OSBPL5: variants seen among roughly 807,000 people sequenced by gnomAD.
OSBPL5 encodes oxysterol binding protein like 5, also known as oxysterol-binding protein-related protein 5.
Under a neutral mutation model 111.2 loss-of-function variants are expected in OSBPL5, and 71 were observed. That is an observed-to-expected ratio of 0.64 (90% confidence interval 0.53 to 0.78). The LOEUF is 0.78. OSBPL5 is among the 30% of genes least tolerant of loss of function. OSBPL5 has a pLI of 0.00. For synonymous variants in OSBPL5, 549 were observed against 513.9 expected (o/e 1.07, Z -0.93); for missense variants, 1,210 against 1,189.3 (o/e 1.02, Z -0.26).
Position 3,093,639 on chromosome 11 carries a change from C to A in OSBPL5, c.1834G>T (p.Glu612Ter), listed in dbSNP as rs756375919. The A allele has an allele frequency of 6.2e-7, 1 of 1,613,098 alleles. No homozygotes were observed. The highest frequency in any genetic ancestry group is 2.2e-5 in the East Asian group (1 of 44,884). Residue 612 changes from glutamate (E) to a stop codon, truncating the protein, a stop_gained, in exon 17 of 22, where the codon GAA (glutamate) becomes TAA (stop). Coordinates refer to ENST00000263650, the MANE Select transcript of OSBPL5 (RefSeq NM_020896.4). LOFTEE classifies it high-confidence loss of function. Reference sequence around the variant, plus strand: ...AAAAGCGCACTGCTTCCGCTCCCTTCCTCCTTGATAAACACGTCCCTGTCC... The same window carrying A: ...AAAAGCGCACTGCTTCCGCTCCCTTACTCCTTGATAAACACGTCCCTGTCC... ...HWDRDVFIKE[E>*]GSGSSALFWT...
intron 3 of OSBPL5, among the ~76,000 whole-genome samples, chr11:3,123,870 G>T (rs1252295087): frequency 1.3e-5 from 2 of 152,236 alleles, no homozygotes; most frequent in Non-Finnish European, 2.9e-5. Context: ...GCACAGAGAG[G>T]TGGAGAGCTA....
At position 3,162,298 on chromosome 11, in the gene OSBPL5, G is replaced by A. The variant is rs968444866; in HGVS notation, c.-22+2918C>T. Among the ~76,000 whole-genome samples the A allele has an allele frequency of 1.2e-4, 19 of 152,026 alleles. No individual in the cohort carries two copies. Among genetic ancestry groups the A allele is most frequent in the Admixed American group, 4.6e-4 (7 of 15,256 alleles). On this transcript the variant is annotated intron_variant, in intron 1 of 21. Coordinates refer to ENST00000263650, the MANE Select transcript of OSBPL5 (RefSeq NM_020896.4). This position sits in a 1 kb window ranked among gnomAD's most constrained non-coding sequence, Gnocchi z 8.1. ...CGGATGTGAGGTGGGCTGGGAGGCC[G>A]AGCAAAGCATTTGCTCTCAGCCTGG...
rs374435732 is a variant in OSBPL5, at chr11:3,131,805, TCATC to T, written c.-21-2640_-21-2637del. 7.6e-5 allele frequency among the ~76,000 whole-genome samples: 7 copies of T among 91,712 alleles called. No homozygotes were observed. The East Asian group carries it at 1.0e-3, about 13-fold the overall frequency. The allele number at this position is 91,712 out of a possible 152,430, so 60.2% of individuals were successfully genotyped here. On this transcript the variant is annotated intron_variant, in intron 1 of 21. Transcript: ENST00000263650. ...TCCATCCATCCACCTACCCATTCAT[TCATC>T]CATCCATCCATCCATCTACCCACTC... is the stretch of plus-strand genomic sequence containing the variant.
chr11:3,117,242 G>T (rs899996547), intron 7 of OSBPL5, among the ~76,000 whole-genome samples: 2 of 151,964 alleles, frequency 1.3e-5, no homozygotes, highest in Non-Finnish European at 2.9e-5. Context: ...GGAAAAACTG[G>T]CCTCATACCT....
At chr11:3,103,657 T>A (rs927149867) in intron 10 of OSBPL5, among the ~76,000 whole-genome samples, 5 of 148,978 alleles carry the variant, frequency 3.4e-5, no homozygotes, top group Admixed American at 6.7e-5. Context: ...GCCCCCTTCC[T>A]GCCTCTGTTG....
chr11:3,151,226 C>T (rs766710604), intron 1 of OSBPL5, among the ~76,000 whole-genome samples: 1 of 152,174 alleles, frequency 6.6e-6, no homozygotes, highest in African/African-American at 2.4e-5. Context: ...GGGAGCGCAG[C>T]CCTGCCGGCA....
chr11:3,093,504 C>T (rs750028222), intron 17 of OSBPL5, 23 bp downstream of exon 17: 1 of 1,602,536 alleles, frequency 6.2e-7, no homozygotes, highest in South Asian at 1.1e-5. Flanking sequence ...TCAGCAGGGT[C>T]CCTGGGCGCT....
chr11:3,149,636 G>A (rs4758471), intron 1 of OSBPL5, among the ~76,000 whole-genome samples: 59,490 of 152,106 alleles, frequency 0.39, 12,180 homozygotes, highest in Non-Finnish European at 0.41. Context: ...TGGTCCTCAC[G>A]GTCGTCCTGG....
intron 10 of OSBPL5, among the ~76,000 whole-genome samples, chr11:3,103,706 A>G (rs1231444881): frequency 2.2e-5 from 2 of 89,692 alleles, no homozygotes; most frequent in Admixed American, 1.3e-4. Context: ...CAGCCTGCGT[A>G]CCCCCTTCCA....
chr11:3,119,256 C>T (rs1858317805), intron 7 of OSBPL5, among the ~76,000 whole-genome samples: 1 of 152,146 alleles, frequency 6.6e-6, no homozygotes, highest in Non-Finnish European at 1.5e-5. Flanking sequence ...AGTAATCTAC[C>T]CGCCTTGGCT....
chr11:3,125,135 A>C (rs1414161557), intron 3 of OSBPL5, among the ~76,000 whole-genome samples: 1 of 152,222 alleles, frequency 6.6e-6, no homozygotes, highest in Non-Finnish European at 1.5e-5. Flanking sequence ...ACTGTGCATC[A>C]GTGACAGTGC....
rs1590657201 is a variant in OSBPL5 at position 3,106,892 on chromosome 11, C to T, written c.1059+371G>A. 6.6e-6 allele frequency among the ~76,000 whole-genome samples: 1 copy of T among 152,196 alleles called. No individual in the cohort carries two copies. The highest frequency in any genetic ancestry group is 2.4e-5 in the African/African-American group (1 of 41,444). ...TGAGCATGGGACTCAGGTCCACACG[C>T]CCTCCTCTGCGCTCCTCCAGGAAGT... On this transcript the variant is annotated intron_variant, in intron 9 of 21. Transcript: ENST00000263650. The surrounding 1 kb of genome is among the most constrained non-coding windows in gnomAD (Gnocchi z 8.4).
chr11:3,114,591 A>ACTTTT (rs774192603), intron 7 of OSBPL5, among the ~76,000 whole-genome samples: 2,286 of 113,876 alleles, frequency 0.02, 817 homozygotes, highest in African/African-American at 0.062. Context: ...TAGAACAATG[A>ACTTTT]TTTTTTTTTT....
chr11:3,146,338 GAGGTGAGGGCAGACGAGGAGGGGA>G lies in OSBPL5; in HGVS notation c.-21-17193_-21-17170del, dbSNP rs1846344600. ...TGAGGAGACAGAGCTCACTCCGGGG[GAGGTGAGGGCAGACGAGGAGGGGA>G]ACTCACGGGAAGGTAGGAAAGGGGT... On this transcript the variant is annotated intron_variant, in intron 1 of 21. Transcript: ENST00000263650. This position sits in a 1 kb window ranked among gnomAD's most constrained non-coding sequence, Gnocchi z 7.8. 6.6e-6 allele frequency: 1 copy of G among 152,344 alleles called. No individual in the cohort carries two copies. Among genetic ancestry groups the G allele is most frequent in the Non-Finnish European group, 1.5e-5 (1 of 68,150 alleles). 9.4% of individuals were successfully genotyped at this position (152,344 alleles called of 1,614,324 possible). A position where few individuals can be genotyped will look rare whatever the true frequency, so the allele number is the denominator to read the frequency against.
In OSBPL5 at chr11:3,105,884, A is replaced by C. The variant is rs2134420962; in HGVS notation, c.1059+1379T>G. Among the ~76,000 whole-genome samples, 1 of 152,128 alleles carries C rather than the reference A, an allele frequency of 6.6e-6. No homozygotes were observed. Among genetic ancestry groups the C allele is most frequent in the African/African-American group, 2.4e-5 (1 of 41,494 alleles). On this transcript the variant is annotated intron_variant, in intron 9 of 21. Transcript: ENST00000263650. This position sits in a 1 kb window ranked among gnomAD's most constrained non-coding sequence, Gnocchi z 5.2. ...TGAGATCTACCCAATCCAACTTCCG[A>C]AATACCCTGAGTCTGCCCACTTCTC...
At chr11:3,153,986 C>T (rs867292355) in intron 1 of OSBPL5, among the ~76,000 whole-genome samples, 12 of 152,364 alleles carry the variant, frequency 7.9e-5, no homozygotes, top group South Asian at 6.2e-4. Context: ...CCAACAGCGC[C>T]GTCAGCCCCG....
chr11:3,088,649 T>G (rs1487644048), intron 21 of OSBPL5, among the ~76,000 whole-genome samples: 1 of 152,158 alleles, frequency 6.6e-6, no homozygotes, highest in African/African-American at 2.4e-5. Flanking sequence ...GTCATGCCTC[T>G]GCCACCTTCA....
Position 3,161,947 on chromosome 11 carries a change from C to T in OSBPL5, c.-22+3269G>A, listed in dbSNP as rs1219897603. Among the ~76,000 whole-genome samples the T allele has an allele frequency of 2.0e-5, 3 of 149,922 alleles. No individual in the cohort carries two copies. Among genetic ancestry groups the T allele is most frequent in the South Asian group, 2.1e-4 (1 of 4,712 alleles). On this transcript the variant is annotated intron_variant, in intron 1 of 21. Transcript: ENST00000263650. This position sits in a 1 kb window ranked among gnomAD's most constrained non-coding sequence, Gnocchi z 8.0. ...TGGAGTAAGAAGCCGGGGCTGACGC[C>T]AGACCCCTGTGAGCAAGGAGGGGAG...
In OSBPL5 at chr11:3,110,799, C is replaced by T. The variant is rs970474458; in HGVS notation, c.692-2854G>A. 6.6e-5 allele frequency among the ~76,000 whole-genome samples: 10 copies of T among 152,210 alleles called. No individual in the cohort carries two copies. The highest frequency in any genetic ancestry group is 3.3e-4 in the Admixed American group (5 of 15,298). On this transcript the variant is annotated intron_variant, in intron 7 of 21. Coordinates refer to ENST00000263650, the MANE Select transcript of OSBPL5 (RefSeq NM_020896.4). This position sits in a 1 kb window ranked among gnomAD's most constrained non-coding sequence, Gnocchi z 5.3. Reference sequence around the variant, plus strand: ...AGCCCCTCCCCGCTTGAAGTTGTCCCGCCTTTCCAGACCAAACCAATGTTC... The same window carrying T: ...AGCCCCTCCCCGCTTGAAGTTGTCCTGCCTTTCCAGACCAAACCAATGTTC...
Sources: allele counts gnomAD v4.1 joint callset (sites outside exome capture counted in the v4.1 genomes callset), GRCh38; gene constraint gnomAD v4.1.1; non-coding constraint Gnocchi (gnomAD v3.1); transcripts MANE v1.5; gene names NCBI Gene and HGNC (gene_info 2026-07-23, HGNC 2026-07-21).